NSG2: variants seen among roughly 807,000 people sequenced by gnomAD.
The protein encoded by NSG2 is neuronal vesicle trafficking-associated protein 2.
NSG2 carries 4 observed loss-of-function variants against 16.9 expected under a neutral mutation model. That is an observed-to-expected ratio of 0.24 (90% CI 0.12 to 0.54). NSG2 has a LOEUF of 0.54. Ranked by LOEUF, NSG2 falls within the 20% of genes least tolerant of loss-of-function variation. The probability of loss-of-function intolerance (pLI) is 0.95; values close to 1 mark genes in which losing one functional copy is unlikely to be tolerated. For missense variants in NSG2, 179 were observed against 221.1 expected, an observed-to-expected ratio of 0.81 and a Z score of 1.21; for synonymous variants, 98 against 88.7, an observed-to-expected ratio of 1.11 and a Z score of -0.59.
In NSG2 at chr5:174,071,271, G is replaced by A. The variant is rs181778506; in HGVS notation, c.213+6956G>A. Among the ~76,000 whole-genome samples, 38 of 152,294 alleles carry A rather than the reference G, an allele frequency of 2.5e-4. No individual in the cohort carries two copies. The Middle Eastern group carries it at 0.01, about 41-fold the overall frequency. On this transcript the variant is annotated intron_variant, in intron 3 of 4. Coordinates refer to ENST00000303177, the MANE Select transcript of NSG2 (RefSeq NM_015980.5). ...CGGGAAGCCAAGGTGGGTGGATCAC[G>A]AGGTCAGGAGACGGAGACCATCCTG...
At chr5:174,057,203 C>T (rs1290901125) in intron 2 of NSG2, among the ~76,000 whole-genome samples, 3 of 152,236 alleles carry the variant, frequency 2.0e-5, no homozygotes, top group African/African-American at 7.2e-5. Context: ...TACTTTTCTT[C>T]TCTCATTTCT....
At chr5:174,050,043 T>C (rs1177555833) in intron 2 of NSG2, among the ~76,000 whole-genome samples, 3 of 152,134 alleles carry the variant, frequency 2.0e-5, no homozygotes, top group Non-Finnish European at 4.4e-5. Flanking sequence ...TGCCTCAGCA[T>C]CAGTCTTCTA....
At chr5:174,098,469 C>T in intron 3 of NSG2, among the ~76,000 whole-genome samples, 1 of 152,276 alleles carries the variant, frequency 6.6e-6, no homozygotes, top group East Asian at 1.9e-4. Context: ...AGCCAGACTG[C>T]TTCTTCCAGG....
At chr5:174,067,544 C>T (rs1760164007) in intron 3 of NSG2, among the ~76,000 whole-genome samples, 1 of 152,236 alleles carries the variant, frequency 6.6e-6, no homozygotes. Flanking sequence ...CCCTGTCAGG[C>T]ATGGGCAGAG....
At chr5:174,103,558 C>T (rs1170267666) in intron 3 of NSG2, among the ~76,000 whole-genome samples, 2 of 152,082 alleles carry the variant, frequency 1.3e-5, no homozygotes, top group Admixed American at 1.3e-4. Flanking sequence ...GGATGTAAAG[C>T]AGGAAGCACT....
Position 174,107,513 on chromosome 5 carries a change from C to A in NSG2, c.*8C>A. 6.2e-7 allele frequency: 1 copy of A among 1,603,514 alleles called. No individual in the cohort carries two copies. The highest frequency in any genetic ancestry group is 1.7e-5 in the Admixed American group (1 of 59,178). ...AAGACCCAGGGCCACTAGAGGCCTG[C>A]CCCAGCCAGAATGGGGGGCGGGGTG... On this transcript the variant is annotated 3_prime_UTR_variant, in exon 5 of 5. Coordinates refer to ENST00000303177, the MANE Select transcript of NSG2 (RefSeq NM_015980.5). This position sits in a 1 kb window ranked among gnomAD's most constrained non-coding sequence, Gnocchi z 4.5.
intron 3 of NSG2, among the ~76,000 whole-genome samples, chr5:174,101,434 A>C (rs1472776149): frequency 6.6e-6 from 1 of 152,000 alleles, no homozygotes; most frequent in Non-Finnish European, 1.5e-5. Context: ...GAAACCCTAT[A>C]CCCCTTATCA....
intron 2 of NSG2, 109 bp downstream of exon 2, chr5:174,046,993 A>C: frequency 2.8e-6 from 3 of 1,062,730 alleles, no homozygotes; most frequent in Non-Finnish European, 2.8e-6. Context: ...TATCTGCCAA[A>C]TGTGCTCCCT....
intron 2 of NSG2, among the ~76,000 whole-genome samples, chr5:174,055,592 T>A (rs1348251684): frequency 6.6e-6 from 1 of 151,848 alleles, no homozygotes; most frequent in Non-Finnish European, 1.5e-5. Flanking sequence ...AGAGCGAGAC[T>A]CTGTCTCAAA....
In NSG2 at chr5:174,107,653, A is replaced by T. The variant is rs112333514; in HGVS notation, c.*148A>T. On this transcript the variant is annotated 3_prime_UTR_variant, in exon 5 of 5. Coordinates refer to ENST00000303177, the MANE Select transcript of NSG2 (RefSeq NM_015980.5). This position sits in a 1 kb window ranked among gnomAD's most constrained non-coding sequence, Gnocchi z 4.5. ...GGGTGGGGGGAAGAACGCACCAAAA[A>T]CGTGGTGTGTGCTGGAGTTGTCTGA... The T allele has an allele frequency of 1.4e-5, 11 of 796,210 alleles. No individual in the cohort carries two copies. The highest frequency in any genetic ancestry group is 1.2e-4 in the African/African-American group (7 of 58,984). The allele number at this position is 796,210 out of a possible 1,614,324, so 49.3% of individuals were successfully genotyped here.
Position 174,076,479 on chromosome 5 carries a change from G to C in NSG2, c.213+12164G>C, listed in dbSNP as rs575893137. On this transcript the variant is annotated intron_variant, in intron 3 of 4. Transcript: ENST00000303177. The stretch of plus-strand genomic sequence containing the variant: ...GAGAGAAAAAAAGCTAAATATAAAT[G>C]AATATTTAGCTAATGAAACTGACTT... Among the ~76,000 whole-genome samples, 5 of 152,078 alleles carry C rather than the reference G, an allele frequency of 3.3e-5. No individual in the cohort carries two copies. The South Asian group carries it at 1.0e-3, about 32-fold the overall frequency.
rs1761000701 is a variant in NSG2 at position 174,107,450 on chromosome 5, T to C, written c.461T>C (p.Leu154Pro). 2 of 1,611,324 alleles carry C rather than the reference T, an allele frequency of 1.2e-6. No homozygotes were observed. The highest frequency in any genetic ancestry group is 2.2e-5 in the East Asian group (1 of 44,822). Residue 154 changes from leucine (L) to proline (P), a missense_variant, in exon 5 of 5, where the codon CTG becomes CCG. Leu to Pro is a moderately conservative substitution (Grantham distance 98, BLOSUM62 -3). Coordinates refer to ENST00000303177, the MANE Select transcript of NSG2 (RefSeq NM_015980.5). This position sits in a 1 kb window ranked among gnomAD's most constrained non-coding sequence, Gnocchi z 4.5. The part of the protein sequence containing the change: ...QSTARAIGPW[L>P]SAAAVIHEPK... ...ACTGCCCGGGCCATCGGGCCGTGGC[T>C]GTCAGCAGCCGCTGTCATCCATGAG...
At chr5:174,055,885 A>G (rs906610503) in intron 2 of NSG2, among the ~76,000 whole-genome samples, 1 of 152,190 alleles carries the variant, frequency 6.6e-6, no homozygotes, top group Non-Finnish European at 1.5e-5. Context: ...CAACACTGCC[A>G]CTAAAGTCTT....
intron 3 of NSG2, among the ~76,000 whole-genome samples, chr5:174,103,462 T>C (rs1160361646): frequency 6.6e-6 from 1 of 151,940 alleles, no homozygotes; most frequent in Non-Finnish European, 1.5e-5. Flanking sequence ...GGGAATGTGT[T>C]GAAAGTGTGT....
chr5:174,059,124 G>A (rs1760010272), intron 2 of NSG2, among the ~76,000 whole-genome samples: 3 of 152,116 alleles, frequency 2.0e-5, no homozygotes, highest in Admixed American at 1.3e-4. Context: ...TGCAAATGGT[G>A]AGTGGCATAT....
At chr5:174,080,686 T>A (rs894092916) in intron 3 of NSG2, among the ~76,000 whole-genome samples, 1 of 152,036 alleles carries the variant, frequency 6.6e-6, no homozygotes, top group African/African-American at 2.4e-5. Flanking sequence ...CTCAGCCTCC[T>A]GAGTAGCTGG....
chr5:174,065,340 A>AG (rs1485581626), intron 3 of NSG2, among the ~76,000 whole-genome samples: 5 of 151,776 alleles, frequency 3.3e-5, no homozygotes, highest in African/African-American at 7.3e-5. Context: ...AAAAAAAAAA[A>AG]GAAATAAGGA....
At position 174,107,603 on chromosome 5, in the gene NSG2, A is replaced by T. The variant is rs1761004050; in HGVS notation, c.*98A>T. On this transcript the variant is annotated 3_prime_UTR_variant, in exon 5 of 5. Transcript: ENST00000303177. This position sits in a 1 kb window ranked among gnomAD's most constrained non-coding sequence, Gnocchi z 4.5. ...CAAGACAACACTGTACTCCTGGGAT[A>T]TGGGGGCGGGGGCGGGGCAGGGCAG... The T allele has an allele frequency of 1.6e-3, 736 of 467,514 alleles. No homozygotes were observed. The highest frequency in any genetic ancestry group is 3.8e-3 in the East Asian group (53 of 13,840). 29.0% of individuals were successfully genotyped at this position (467,514 alleles called of 1,614,324 possible). A position where few individuals can be genotyped will look rare whatever the true frequency, so the allele number is the denominator to read the frequency against.
At chr5:174,097,947 A>G (rs73806558) in intron 3 of NSG2, among the ~76,000 whole-genome samples, 1,672 of 152,018 alleles carry the variant, frequency 0.011, 40 homozygotes, top group African/African-American at 0.037. Context: ...CCCACTTTGT[A>G]TGAGTCACTA....
Sources: gnomAD v4.1 joint callset for allele counts (sites outside exome capture counted in the v4.1 genomes callset) on GRCh38, gnomAD v4.1.1 for gene constraint, Gnocchi (gnomAD v3.1) non-coding constraint, MANE v1.5 for transcripts, NCBI Gene and HGNC (gene_info 2026-07-23, HGNC 2026-07-21) for gene names.